Variants in ST6GAL1 observed in about 807,000 individuals in gnomAD.
The protein encoded by ST6GAL1 is ST6 beta-galactoside alpha-2,6-sialyltransferase 1.
ST6GAL1 carries 20 observed loss-of-function variants against 38.0 expected under a neutral mutation model. That is an observed-to-expected ratio of 0.53 (90% CI 0.37 to 0.77). The LOEUF (loss-of-function observed/expected upper bound fraction) is 0.77. Among genes scored for constraint, ST6GAL1 ranks in the 30% least tolerant of loss-of-function variants. The probability of loss-of-function intolerance (pLI) is 0.00; values close to 1 mark genes in which losing one functional copy is unlikely to be tolerated. For synonymous variants in ST6GAL1, 196 were observed against 188.2 expected (o/e 1.04, Z -0.34); for missense variants, 432 against 496.4 (o/e 0.87, Z 1.23).
At chr3:187,015,405 T>A (rs1004826305) in intron 2 of ST6GAL1, among the ~76,000 whole-genome samples, 1 of 152,212 alleles carries the variant, frequency 6.6e-6, no homozygotes, top group Non-Finnish European at 1.5e-5. Flanking sequence ...ATGCTAAGTG[T>A]CCAGCATCCT....
intron 2 of ST6GAL1, among the ~76,000 whole-genome samples, chr3:187,031,970 T>G (rs1202725309): frequency 2.6e-5 from 4 of 152,204 alleles, no homozygotes. Flanking sequence ...ACATAGCTAG[T>G]GCTAAATAAA....
At chr3:187,000,807 G>T (rs1716593089) in intron 2 of ST6GAL1, among the ~76,000 whole-genome samples, 1 of 152,130 alleles carries the variant, frequency 6.6e-6, no homozygotes, top group Non-Finnish European at 1.5e-5. Flanking sequence ...ATTTTCGTAA[G>T]GTTTCACTTC....
intron 3 of ST6GAL1, among the ~76,000 whole-genome samples, chr3:187,039,497 G>A (rs76695387): frequency 3.8e-4 from 58 of 152,228 alleles, no homozygotes; most frequent in Admixed American, 2.3e-3. Context: ...GGGATAGTGC[G>A]GAAGGGGAGG....
chr3:186,936,939 C>CAAAA (rs60914982), intron 1 of ST6GAL1, among the ~76,000 whole-genome samples: 6 of 87,946 alleles, frequency 6.8e-5, no homozygotes, highest in Admixed American at 1.3e-4. Context: ...AAGACTGTCT[C>CAAAA]AAAAAAAAAA....
At chr3:186,993,658 C>A (rs1716261291) in intron 2 of ST6GAL1, among the ~76,000 whole-genome samples, 1 of 151,834 alleles carries the variant, frequency 6.6e-6, no homozygotes, top group Admixed American at 6.6e-5. Flanking sequence ...TAAAGCCCTT[C>A]TTTCCAACCA....
chr3:186,954,461 G>A (rs534806164), intron 1 of ST6GAL1, among the ~76,000 whole-genome samples: 11 of 152,222 alleles, frequency 7.2e-5, no homozygotes, highest in African/African-American at 1.7e-4. Flanking sequence ...GTGTAAAAGC[G>A]ATCTTATTTC....
In ST6GAL1 at chr3:186,980,286, T is replaced by C. The variant is rs78162610; in HGVS notation, c.-183+16360T>C. ...ATGCAGCGGGCACCCTGGATGATAC[T>C]AGGATCTGGCAAGTTTAAGAAACGC... On this transcript the variant is annotated intron_variant, in intron 2 of 7. Coordinates refer to ENST00000169298, the MANE Select transcript of ST6GAL1 (RefSeq NM_173216.2). 4.7e-3 allele frequency among the ~76,000 whole-genome samples: 711 copies of C among 152,288 alleles called. 11 individuals are homozygous for C. Among genetic ancestry groups the C allele is most frequent in the Admixed American group, 0.027 (411 of 15,282 alleles).
At position 187,076,145 on chromosome 3, in the gene ST6GAL1, A is replaced by T. The variant is rs1560188106; in HGVS notation, c.*342A>T. 7.0e-6 allele frequency: 2 copies of T among 286,426 alleles called. No homozygotes were observed. Among genetic ancestry groups the T allele is most frequent in the Admixed American group, 9.5e-5 (2 of 20,996 alleles). 17.7% of individuals were successfully genotyped at this position (286,426 alleles called of 1,614,324 possible). On this transcript the variant is annotated 3_prime_UTR_variant, in exon 8 of 8. Transcript: ENST00000169298. ...GCTGGGCTTTGTTTTTCCCAGCAGAATGATGCCATTCTCACAAACCAATGC... is the reference window on the plus strand; with the variant it reads ...GCTGGGCTTTGTTTTTCCCAGCAGATTGATGCCATTCTCACAAACCAATGC...
chr3:186,970,281 C>T (rs1284020877), intron 2 of ST6GAL1, among the ~76,000 whole-genome samples: 2 of 148,252 alleles, frequency 1.3e-5, no homozygotes, highest in Non-Finnish European at 3.0e-5. Context: ...GTGGCGCGAT[C>T]TCAGCTCACT....
At chr3:186,958,222 G>T (rs764681207) in intron 1 of ST6GAL1, among the ~76,000 whole-genome samples, 2 of 152,130 alleles carry the variant, frequency 1.3e-5, no homozygotes, top group African/African-American at 2.4e-5. Context: ...AAATATACAT[G>T]AAAGGAATTA....
intron 2 of ST6GAL1, among the ~76,000 whole-genome samples, chr3:187,022,460 A>G (rs566815623): frequency 6.6e-6 from 1 of 152,254 alleles, no homozygotes; most frequent in African/African-American, 2.4e-5. Flanking sequence ...GTTATTGTCT[A>G]GTGACTTGAA....
At chr3:186,961,175 C>T (rs1448722692) in intron 1 of ST6GAL1, among the ~76,000 whole-genome samples, 2 of 152,104 alleles carry the variant, frequency 1.3e-5, no homozygotes, top group African/African-American at 2.4e-5. Context: ...AGGGTTTCAC[C>T]ATGTTGACCA....
intron 2 of ST6GAL1, among the ~76,000 whole-genome samples, chr3:186,967,545 T>C (rs528913480): frequency 6.6e-6 from 1 of 152,076 alleles, no homozygotes; most frequent in Non-Finnish European, 1.5e-5. Flanking sequence ...AACCAGCAGA[T>C]GGGGGAGGGA....
chr3:186,998,111 C>T (rs369502062), intron 2 of ST6GAL1, among the ~76,000 whole-genome samples: 12 of 152,036 alleles, frequency 7.9e-5, no homozygotes, highest in East Asian at 3.9e-4. Flanking sequence ...TTAAAAAATA[C>T]GGGAAGTAAA....
intron 2 of ST6GAL1, among the ~76,000 whole-genome samples, chr3:187,010,235 T>C (rs1031217439): frequency 1.8e-4 from 28 of 152,230 alleles, no homozygotes; most frequent in African/African-American, 6.8e-4. Context: ...ATATATTTAA[T>C]CAAATTGTCC....
intron 2 of ST6GAL1, among the ~76,000 whole-genome samples, chr3:187,019,781 T>C (rs1717234314): frequency 6.6e-6 from 1 of 152,148 alleles, no homozygotes; most frequent in Admixed American, 6.5e-5. Flanking sequence ...ACTCTAAGTC[T>C]AAGAACAGAA....
intron 2 of ST6GAL1, among the ~76,000 whole-genome samples, chr3:187,007,050 A>G (rs1453552703): frequency 6.6e-6 from 1 of 152,272 alleles, no homozygotes; most frequent in Non-Finnish European, 1.5e-5. Flanking sequence ...TTTACAACAG[A>G]AAGCTGAATA....
chr3:187,073,387 G>A (rs748074068), intron 6 of ST6GAL1: 2 of 159,444 alleles, frequency 1.3e-5, no homozygotes, highest in Non-Finnish European at 2.8e-5. Context: ...TGGAAGTGTG[G>A]TTGTTCCCAT....
chr3:187,014,103 G>C (rs917368290), intron 2 of ST6GAL1, among the ~76,000 whole-genome samples: 3 of 152,204 alleles, frequency 2.0e-5, no homozygotes, highest in African/African-American at 4.8e-5. Flanking sequence ...CCTGGCATGT[G>C]CCAGGCACTG....
Sources: allele counts gnomAD v4.1 joint callset (sites outside exome capture counted in the v4.1 genomes callset), GRCh38; gene constraint gnomAD v4.1.1; transcripts MANE v1.5; gene names NCBI Gene and HGNC (gene_info 2026-07-23, HGNC 2026-07-21).